The following BCL2 variants were observed in gnomAD, a reference collection of about 807,000 sequenced individuals.
The protein encoded by BCL2 is apoptosis regulator Bcl-2.
BCL2 carries 1 observed loss-of-function variant against 14.2 expected under a neutral mutation model. The ratio of observed to expected loss-of-function variants is 0.07; its 90% CI spans 0.02 to 0.33. BCL2 has a LOEUF of 0.33. BCL2 is among the 10% of genes least tolerant of loss of function. The pLI is 0.99. For synonymous variants in BCL2, 151 were observed against 137.2 expected, an observed-to-expected ratio of 1.10 and a Z score of -0.70; for missense variants, 247 against 305.9, an observed-to-expected ratio of 0.81 and a Z score of 1.44.
chr18:63,156,797 A>T (rs532699484), intron 2 of BCL2, among the ~76,000 whole-genome samples: 1 of 152,224 alleles, frequency 6.6e-6, no homozygotes, highest in East Asian at 1.9e-4. Context: ...GGGACTCCAC[A>T]CCCAAAGCCC....
rs937427397 is a variant in BCL2, at chr18:63,126,642, C to A, written c.*1983G>T. The A allele has an allele frequency of 1.8e-5, 4 of 228,258 alleles. No homozygotes were observed. The highest frequency in any genetic ancestry group is 3.6e-4 in the South Asian group (2 of 5,488). 14.1% of individuals were successfully genotyped at this position (228,258 alleles called of 1,614,324 possible). Reference sequence around the variant, plus strand: ...AAAGCTCCTCAGTGGCCAGTGACATCCAGGTTTTTCTTAGGTAGCTGAGAC... The same window carrying A: ...AAAGCTCCTCAGTGGCCAGTGACATACAGGTTTTTCTTAGGTAGCTGAGAC... On this transcript the variant is annotated 3_prime_UTR_variant, in exon 3 of 3. Coordinates refer to ENST00000333681, the MANE Select transcript of BCL2 (RefSeq NM_000633.3).
chr18:63,206,743 G>A (rs980848694), intron 2 of BCL2, among the ~76,000 whole-genome samples: 5 of 149,870 alleles, frequency 3.3e-5, no homozygotes, highest in African/African-American at 1.2e-4. Flanking sequence ...GATCGGACAG[G>A]ATTTAAAGAA....
At chr18:63,242,365 C>T (rs1222299144) in intron 2 of BCL2, among the ~76,000 whole-genome samples, 1 of 152,194 alleles carries the variant, frequency 6.6e-6, no homozygotes, top group Non-Finnish European at 1.5e-5. Context: ...GGGAAGCACA[C>T]ATTATTGAGG....
intron 2 of BCL2, among the ~76,000 whole-genome samples, chr18:63,258,064 G>A (rs1298126605): frequency 6.6e-6 from 1 of 152,172 alleles, no homozygotes; most frequent in Non-Finnish European, 1.5e-5. Flanking sequence ...AACCCAATAG[G>A]ACTGCGTCCT....
At chr18:63,140,769 G>T (rs1355476074) in intron 2 of BCL2, among the ~76,000 whole-genome samples, 1 of 152,208 alleles carries the variant, frequency 6.6e-6, no homozygotes, top group Admixed American at 6.5e-5. Flanking sequence ...AAACCAATGC[G>T]CTGATCACTT....
chr18:63,143,504 G>A (rs761290196), intron 2 of BCL2, among the ~76,000 whole-genome samples: 3 of 152,226 alleles, frequency 2.0e-5, no homozygotes, highest in Non-Finnish European at 4.4e-5. Flanking sequence ...GTGCCCCTGG[G>A]AGATCCACTT....
chr18:63,292,963 A>T (rs1912693637), intron 2 of BCL2, among the ~76,000 whole-genome samples: 1 of 152,180 alleles, frequency 6.6e-6, no homozygotes, highest in Non-Finnish European at 1.5e-5. Flanking sequence ...TCATGTCACA[A>T]CCTGGTGGCC....
chr18:63,182,917 G>C (rs1915510986), intron 2 of BCL2, among the ~76,000 whole-genome samples: 1 of 152,210 alleles, frequency 6.6e-6, no homozygotes, highest in Non-Finnish European at 1.5e-5. Flanking sequence ...CATCAGGGGA[G>C]AGCAGGATGG....
At chr18:63,259,174 C>T (rs1003526983) in intron 2 of BCL2, among the ~76,000 whole-genome samples, 3 of 152,230 alleles carry the variant, frequency 2.0e-5, no homozygotes, top group Non-Finnish European at 2.9e-5. Flanking sequence ...TCACATTGAG[C>T]CCTGCAGCCT....
At chr18:63,279,809 A>G (rs184218514) in intron 2 of BCL2, among the ~76,000 whole-genome samples, 1 of 152,258 alleles carries the variant, frequency 6.6e-6, no homozygotes, top group Admixed American at 6.5e-5. Flanking sequence ...CACAAACTAC[A>G]TACACTACAA....
At chr18:63,168,671 T>G (rs1915103976) in intron 2 of BCL2, among the ~76,000 whole-genome samples, 1 of 152,208 alleles carries the variant, frequency 6.6e-6, no homozygotes, top group Admixed American at 6.5e-5. Flanking sequence ...TCTGATCTGT[T>G]TCCAACTGGG....
chr18:63,153,355 C>G (rs555989893), intron 2 of BCL2, among the ~76,000 whole-genome samples: 1 of 152,320 alleles, frequency 6.6e-6, no homozygotes, highest in East Asian at 1.9e-4. Context: ...TCATGACTCC[C>G]TCTCATTCCT....
At chr18:63,231,834 T>C (rs2144177707) in intron 2 of BCL2, among the ~76,000 whole-genome samples, 1 of 152,234 alleles carries the variant, frequency 6.6e-6, no homozygotes, top group East Asian at 1.9e-4. Context: ...TGGATATTTG[T>C]AACCGGTTTT....
At chr18:63,156,918 C>T (rs1476622474) in intron 2 of BCL2, among the ~76,000 whole-genome samples, 3 of 152,156 alleles carry the variant, frequency 2.0e-5, no homozygotes, top group Non-Finnish European at 4.4e-5. Flanking sequence ...GTTTTCTTCC[C>T]TCGCTTTCTT....
Position 63,261,804 on chromosome 18 carries a change from T to A in BCL2, c.585+56278A>T, listed in dbSNP as rs9949240. The stretch of plus-strand genomic sequence containing the variant: ...TTGTTATTTTTTCTTTTTTTTTTTT[T>A]ATTTTGAGACAGAATCTCGCTCTGG... On this transcript the variant is annotated intron_variant, in intron 2 of 2. Transcript: ENST00000333681. 9.5e-3 allele frequency among the ~76,000 whole-genome samples: 1,430 copies of A among 151,116 alleles called. 20 individuals carry two copies. The highest frequency in any genetic ancestry group is 0.033 in the African/African-American group (1,368 of 41,098).
chr18:63,138,737 AC>A (rs1255007343), intron 2 of BCL2, among the ~76,000 whole-genome samples: 1 of 152,246 alleles, frequency 6.6e-6, no homozygotes, highest in African/African-American at 2.4e-5. Flanking sequence ...TTTGGATGTA[AC>A]AAGAAACCTG....
At chr18:63,192,317 GT>G (rs1222778912) in intron 2 of BCL2, among the ~76,000 whole-genome samples, 1 of 152,186 alleles carries the variant, frequency 6.6e-6, no homozygotes, top group Non-Finnish European at 1.5e-5. Context: ...AACCTGATGT[GT>G]TTGGAGGATC....
chr18:63,206,696 G>A (rs1599244274), intron 2 of BCL2, among the ~76,000 whole-genome samples: 2 of 152,176 alleles, frequency 1.3e-5, no homozygotes, highest in East Asian at 3.9e-4. Flanking sequence ...TATAAAAGGT[G>A]GAGACATCAT....
At chr18:63,165,952 G>A (rs965270190) in intron 2 of BCL2, among the ~76,000 whole-genome samples, 2 of 152,254 alleles carry the variant, frequency 1.3e-5, no homozygotes, top group Admixed American at 6.5e-5. Context: ...TTCGTTTGCT[G>A]GATCGCTTTA....
Sources: gnomAD v4.1 joint callset for allele counts (sites outside exome capture counted in the v4.1 genomes callset) on GRCh38, gnomAD v4.1.1 for gene constraint, MANE v1.5 for transcripts, NCBI Gene and HGNC (gene_info 2026-07-23, HGNC 2026-07-21) for gene names.